PCCB: variants seen among roughly 807,000 people sequenced by gnomAD.
PCCB encodes propionyl-CoA carboxylase beta chain, mitochondrial.
PCCB carries 43 observed loss-of-function variants against 60.7 expected under a neutral mutation model. That is an observed-to-expected ratio of 0.71 (90% CI 0.55 to 0.91). PCCB has a LOEUF of 0.91. Among genes scored for constraint, PCCB ranks in the 40% least tolerant of loss-of-function variants. The pLI, the probability that PCCB is intolerant of heterozygous loss-of-function variation, is 0.00. For synonymous variants in PCCB, 276 were observed against 255.9 expected (o/e 1.08, Z -0.75); for missense variants, 766 against 702.8 (o/e 1.09, Z -1.02).
intron 8 of PCCB, among the ~76,000 whole-genome samples, chr3:136,300,141 C>T (rs1055606828): frequency 1.3e-5 from 2 of 149,934 alleles, no homozygotes; most frequent in African/African-American, 2.5e-5. Flanking sequence ...TATATCTACA[C>T]ATGTGTTCAC....
At chr3:136,280,220 G>A (rs766707850) in intron 5 of PCCB, among the ~76,000 whole-genome samples, 3 of 152,126 alleles carry the variant, frequency 2.0e-5, no homozygotes, top group African/African-American at 4.8e-5. Flanking sequence ...TTCTTGTATG[G>A]CGTGTCTATT....
rs201763556 is a variant in PCCB at position 136,269,995 on chromosome 3, T to G, written c.543+7930T>G. 6.9e-5 allele frequency among the ~76,000 whole-genome samples: 10 copies of G among 144,064 alleles called. No individual in the cohort carries two copies. The East Asian group carries it at 8.9e-4, about 13-fold the overall frequency. 94.5% of individuals were successfully genotyped at this position (144,064 alleles called of 152,430 possible). A position where few individuals can be genotyped will look rare whatever the true frequency, so the allele number is the denominator to read the frequency against. ...AAGCATGATGTTAACTGGTGTGTGTTTTTTTTTTTTTTTTGGACATTCTCT... is the reference window on the plus strand; with the variant it reads ...AAGCATGATGTTAACTGGTGTGTGTGTTTTTTTTTTTTTTGGACATTCTCT... On this transcript the variant is annotated intron_variant, in intron 5 of 14. Transcript: ENST00000251654.
intron 8 of PCCB, among the ~76,000 whole-genome samples, chr3:136,299,966 G>C (rs569058247): frequency 5.9e-4 from 90 of 151,758 alleles, no homozygotes; most frequent in African/African-American, 2.2e-3. Flanking sequence ...ATACATGTAT[G>C]CATGTATACA....
intron 10 of PCCB, among the ~76,000 whole-genome samples, chr3:136,322,080 G>A (rs1481885142): frequency 6.6e-6 from 1 of 152,218 alleles, no homozygotes; most frequent in Non-Finnish European, 1.5e-5. Flanking sequence ...TTACAAGTAA[G>A]TGTGATGTTA....
intron 10 of PCCB, 147 bp downstream of exon 10, chr3:136,317,211 AATT>A: frequency 3.1e-6 from 1 of 322,740 alleles, no homozygotes; most frequent in Non-Finnish European, 5.0e-6. Context: ...TATAAAAGCT[AATT>A]TTTTTTTTTT....
At chr3:136,263,654 T>C (rs1473633240) in intron 5 of PCCB, among the ~76,000 whole-genome samples, 2 of 152,124 alleles carry the variant, frequency 1.3e-5, no homozygotes, top group Non-Finnish European at 2.9e-5. Flanking sequence ...GCTTGTCATA[T>C]TGATACCTCC....
At chr3:136,299,800 G>A (rs1177434643) in intron 8 of PCCB, among the ~76,000 whole-genome samples, 3 of 151,258 alleles carry the variant, frequency 2.0e-5, no homozygotes, top group Non-Finnish European at 2.9e-5. Flanking sequence ...ATATGCATGT[G>A]TATGTATAGG....
chr3:136,265,261 A>G (rs1462360710), intron 5 of PCCB, among the ~76,000 whole-genome samples: 1 of 152,214 alleles, frequency 6.6e-6, no homozygotes, highest in Admixed American at 6.5e-5. Flanking sequence ...TGAAAATATA[A>G]TTCAGTAATT....
intron 10 of PCCB, among the ~76,000 whole-genome samples, chr3:136,320,145 T>C (rs144627926): frequency 4.6e-5 from 7 of 152,360 alleles, no homozygotes; most frequent in African/African-American, 1.7e-4. Context: ...CTTCCAACTT[T>C]ATTGTTGTTC....
In PCCB at chr3:136,283,890, A is replaced by T. The variant is rs773799305; in HGVS notation, c.597A>T (p.Pro199=). 2 of 1,613,930 alleles carry T rather than the reference A, an allele frequency of 1.2e-6. No homozygotes were observed. Among genetic ancestry groups the T allele is most frequent in the Non-Finnish European group, 1.7e-6 (2 of 1,179,876 alleles). The change falls in exon 6 of 15, where the codon CCA becomes CCT. Residue 199 remains proline (P), a synonymous_variant. Coordinates refer to ENST00000251654, the MANE Select transcript of PCCB (RefSeq NM_000532.5). ...VIPQISLIMG[P]CAGGAVYSPA... ...CTCAGATTTCTCTGATCATGGGCCC[A>T]TGTGCTGGTGGGGCCGTCTACTCCC... is the stretch of plus-strand genomic sequence containing the variant.
intron 10 of PCCB, among the ~76,000 whole-genome samples, chr3:136,317,409 G>A (rs1269126139): frequency 6.6e-6 from 1 of 150,962 alleles, no homozygotes; most frequent in Non-Finnish European, 1.5e-5. Context: ...TTGTATTTTT[G>A]GTAGAGATGG....
intron 8 of PCCB, among the ~76,000 whole-genome samples, chr3:136,300,057 T>C (rs1329879301): frequency 2.0e-5 from 3 of 151,696 alleles, no homozygotes; most frequent in East Asian, 1.9e-4. Flanking sequence ...CCCACACACA[T>C]GCATATCAAC....
At position 136,250,613 on chromosome 3, in the gene PCCB, T is replaced by A. The variant is rs139744249; in HGVS notation, c.183+55T>A. On this transcript the variant is annotated intron_variant, in intron 1 of 14. Transcript: ENST00000251654. ...GCCCCTGGCGTCCGCGACCTATCAC[T>A]GCGTGCCCGGCTTGCGGCGTCCGAG... 5,124 of 1,534,974 alleles carry A rather than the reference T, an allele frequency of 3.3e-3. 104 individuals carry two copies. In the East Asian group the frequency reaches 0.039, roughly 12 times the overall value.
intron 5 of PCCB, among the ~76,000 whole-genome samples, chr3:136,279,811 G>A (rs1318752995): frequency 6.6e-6 from 1 of 152,042 alleles, no homozygotes; most frequent in African/African-American, 2.4e-5. Context: ...GGGACTACAG[G>A]CGCGCACCAC....
intron 6 of PCCB, among the ~76,000 whole-genome samples, chr3:136,292,142 C>G (rs1374752456): frequency 6.6e-6 from 1 of 152,098 alleles, no homozygotes; most frequent in African/African-American, 2.4e-5. Context: ...TGGTTTTTCC[C>G]CTGCAACTTT....
At chr3:136,259,296 C>G (rs149214417) in intron 3 of PCCB, 69 of 477,146 alleles carry the variant, frequency 1.4e-4, no homozygotes, top group Non-Finnish European at 2.1e-4. Flanking sequence ...GCAAAACTGT[C>G]TCTAATAAAA....
At chr3:136,298,130 C>T (rs1326524039) in intron 8 of PCCB, 58 bp downstream of exon 8, 6 of 1,609,308 alleles carry the variant, frequency 3.7e-6, no homozygotes, top group South Asian at 2.2e-5. Context: ...CCTTTCTCTG[C>T]CCTGACAGGA....
intron 7 of PCCB, 26 bp from the exon 8 acceptor site, chr3:136,297,926 A>G (rs1370216992): frequency 3.7e-6 from 6 of 1,613,928 alleles, no homozygotes; most frequent in African/African-American, 2.7e-5. Context: ...CCCTGACTCA[A>G]TCATATATGC....
At chr3:136,260,389 A>G (rs763315391) in intron 3 of PCCB, 90 bp from the exon 4 acceptor site, 110 of 1,145,418 alleles carry the variant, frequency 9.6e-5, no homozygotes, top group Non-Finnish European at 1.3e-4. Flanking sequence ...AAAAACTTTT[A>G]TCTGTGAATT....
Sources: gnomAD v4.1 joint callset for allele counts (sites outside exome capture counted in the v4.1 genomes callset) on GRCh38, gnomAD v4.1.1 for gene constraint, MANE v1.5 for transcripts, NCBI Gene and HGNC (gene_info 2026-07-23, HGNC 2026-07-21) for gene names.